The following TAFA1 variants were observed in gnomAD, a reference collection of about 807,000 sequenced individuals.
TAFA1 encodes the protein TAFA chemokine like family member 1, also known as chemokine-like protein TAFA-1.
TAFA1 carries 4 observed loss-of-function variants against 18.5 expected under a neutral mutation model. The ratio of observed to expected loss-of-function variants is 0.22; its 90% CI spans 0.11 to 0.49. The LOEUF is 0.49. Ranked by LOEUF, TAFA1 falls within the 20% of genes least tolerant of loss-of-function variation. TAFA1 has a pLI of 0.98. For synonymous variants in TAFA1, 56 were observed against 55.2 expected, an observed-to-expected ratio of 1.01 and a Z score of -0.06; for missense variants, 147 against 169.0, an observed-to-expected ratio of 0.87 and a Z score of 0.72.
chr3:68,495,329 A>G (rs1477283008), intron 3 of TAFA1, among the ~76,000 whole-genome samples: 2 of 152,262 alleles, frequency 1.3e-5, no homozygotes, highest in African/African-American at 4.8e-5. Context: ...TCTGAAGGTT[A>G]GGTAAAAAGA....
At chr3:68,241,073 C>T (rs1447500890) in intron 2 of TAFA1, among the ~76,000 whole-genome samples, 1 of 152,074 alleles carries the variant, frequency 6.6e-6, no homozygotes, top group African/African-American at 2.4e-5. Context: ...ATATTTTGGG[C>T]TTACCTATTT....
At chr3:68,043,521 C>T (rs1327529696) in intron 2 of TAFA1, among the ~76,000 whole-genome samples, 3 of 152,162 alleles carry the variant, frequency 2.0e-5, no homozygotes, top group Admixed American at 6.5e-5. Context: ...GAATACTGCT[C>T]AGAAGCCACA....
At chr3:68,157,972 T>A (rs1180290184) in intron 2 of TAFA1, among the ~76,000 whole-genome samples, 4 of 152,178 alleles carry the variant, frequency 2.6e-5, no homozygotes, top group African/African-American at 9.7e-5. Flanking sequence ...CTCAATCTAT[T>A]CCCTCAGTCT....
At chr3:68,278,069 T>G (rs2067828771) in intron 2 of TAFA1, among the ~76,000 whole-genome samples, 1 of 152,152 alleles carries the variant, frequency 6.6e-6, no homozygotes, top group Non-Finnish European at 1.5e-5. Flanking sequence ...AGAAATAGAA[T>G]TGCCAGGTCA....
chr3:68,273,083 A>T (rs1329561977), intron 2 of TAFA1, among the ~76,000 whole-genome samples: 1 of 150,474 alleles, frequency 6.6e-6, no homozygotes, highest in East Asian at 2.0e-4. Flanking sequence ...ACAGGCTATG[A>T]AAAAAAGAAA....
chr3:68,217,518 G>A lies in TAFA1; in HGVS notation c.119-199762G>A, dbSNP rs141882354. Among the ~76,000 whole-genome samples, 161 of 151,932 alleles carry A rather than the reference G, an allele frequency of 1.1e-3. 1 individual carries two copies. The highest frequency in any genetic ancestry group is 3.5e-3 in the African/African-American group (145 of 41,460). On this transcript the variant is annotated intron_variant, in intron 2 of 4. Transcript: ENST00000478136. The stretch of plus-strand genomic sequence containing the variant: ...GATCCTAGAACAGGGGAATAAAACA[G>A]GACATTAAGTTAAAACTAAGGCAAT...
intron 3 of TAFA1, among the ~76,000 whole-genome samples, chr3:68,456,807 C>T (rs1374170295): frequency 6.6e-6 from 1 of 152,142 alleles, no homozygotes; most frequent in Non-Finnish European, 1.5e-5. Flanking sequence ...TACAATGGTC[C>T]TTAAGCCGGA....
At chr3:68,015,620 C>A (rs1704555276) in intron 2 of TAFA1, among the ~76,000 whole-genome samples, 2 of 152,202 alleles carry the variant, frequency 1.3e-5, no homozygotes, top group Non-Finnish European at 2.9e-5. Flanking sequence ...TGGGAAAAAA[C>A]AGTAATCAGC....
chr3:68,145,487 G>T (rs1436244893), intron 2 of TAFA1: 2 of 916,084 alleles, frequency 2.2e-6, no homozygotes, highest in East Asian at 4.8e-5. Flanking sequence ...CACAAGAATG[G>T]TTCTGCCCAG....
At chr3:68,010,168 G>A (rs976559340) in intron 2 of TAFA1, among the ~76,000 whole-genome samples, 2 of 152,224 alleles carry the variant, frequency 1.3e-5, no homozygotes, top group Non-Finnish European at 2.9e-5. Flanking sequence ...TGGAAGGAGA[G>A]TGAAAGCTTT....
chr3:68,391,308 G>A (rs537277280), intron 2 of TAFA1, among the ~76,000 whole-genome samples: 30 of 152,182 alleles, frequency 2.0e-4, no homozygotes, highest in African/African-American at 7.2e-4. Context: ...GACAAGATTA[G>A]AGAAAAAAGA....
intron 2 of TAFA1, among the ~76,000 whole-genome samples, chr3:68,237,048 C>T (rs909655985): frequency 1.3e-5 from 2 of 152,180 alleles, no homozygotes; most frequent in Non-Finnish European, 2.9e-5. Context: ...ACAAGATATA[C>T]AAGATACATC....
intron 2 of TAFA1, among the ~76,000 whole-genome samples, chr3:68,407,801 T>G (rs1408353237): frequency 2.0e-5 from 3 of 152,070 alleles, no homozygotes; most frequent in African/African-American, 4.8e-5. Flanking sequence ...ATTTCTTCCT[T>G]TTTCCTACTT....
intron 2 of TAFA1, among the ~76,000 whole-genome samples, chr3:68,240,447 A>T (rs1671912139): frequency 6.6e-6 from 1 of 152,206 alleles, no homozygotes; most frequent in African/African-American, 2.4e-5. Context: ...AAACGAGGGC[A>T]GAGAAGAGAG....
In TAFA1 at chr3:68,240,484, T is replaced by C. The variant is rs563178680; in HGVS notation, c.119-176796T>C. ...AGCAGAAGATGTATGATTTAGAACA[T>C]AGCATAACCCTTCCTTTTTTAAAAT... On this transcript the variant is annotated intron_variant, in intron 2 of 4. Coordinates refer to ENST00000478136, the MANE Select transcript of TAFA1 (RefSeq NM_213609.4). Among the ~76,000 whole-genome samples the C allele has an allele frequency of 1.3e-4, 20 of 152,290 alleles. 1 individual carries two copies. The highest frequency in any genetic ancestry group is 4.6e-4 in the African/African-American group (19 of 41,564).
intron 2 of TAFA1, among the ~76,000 whole-genome samples, chr3:68,022,637 A>G (rs1704715632): frequency 6.6e-6 from 1 of 151,938 alleles, no homozygotes; most frequent in South Asian, 2.1e-4. Flanking sequence ...GTCTTTAGTC[A>G]GGAGGTAGAA....
chr3:68,051,870 T>A (rs2064475073), intron 2 of TAFA1, among the ~76,000 whole-genome samples: 1 of 152,170 alleles, frequency 6.6e-6, no homozygotes, highest in Non-Finnish European at 1.5e-5. Context: ...AATTTTCTTC[T>A]AAAATAATTT....
At chr3:68,197,043 T>C (rs1575673974) in intron 2 of TAFA1, among the ~76,000 whole-genome samples, 1 of 151,864 alleles carries the variant, frequency 6.6e-6, no homozygotes, top group East Asian at 2.0e-4. Context: ...ATATATTAGA[T>C]GACCTATCAC....
At chr3:68,335,696 C>G (rs535681313) in intron 2 of TAFA1, among the ~76,000 whole-genome samples, 1 of 151,954 alleles carries the variant, frequency 6.6e-6, no homozygotes, top group Non-Finnish European at 1.5e-5. Flanking sequence ...AGGTTGAGTT[C>G]GCTTTTAAGA....
Sources: allele counts gnomAD v4.1 joint callset (sites outside exome capture counted in the v4.1 genomes callset), GRCh38; gene constraint gnomAD v4.1.1; transcripts MANE v1.5; gene names NCBI Gene and HGNC (gene_info 2026-07-23, HGNC 2026-07-21).